Variants in PTPRT observed in about 807,000 individuals in gnomAD.
PTPRT encodes receptor-type tyrosine-protein phosphatase T.
Under a neutral mutation model 176.8 loss-of-function variants are expected in PTPRT, and 56 were observed. The ratio of observed to expected loss-of-function variants is 0.32; its 90% CI spans 0.26 to 0.40. The LOEUF (loss-of-function observed/expected upper bound fraction) is 0.40. Ranked by LOEUF, PTPRT falls within the 10% of genes least tolerant of loss-of-function variation. The probability of loss-of-function intolerance (pLI) is 1.00; values close to 1 mark genes in which losing one functional copy is unlikely to be tolerated. For missense variants in PTPRT, 1,540 were observed against 1,908.2 expected (o/e 0.81, Z 3.60); for synonymous variants, 783 against 739.0 (o/e 1.06, Z -0.96).
chr20:42,807,667 G>A (rs146666391), intron 2 of PTPRT, among the ~76,000 whole-genome samples: 18 of 152,168 alleles, frequency 1.2e-4, no homozygotes, highest in African/African-American at 4.3e-4. Flanking sequence ...CAACAGGTGT[G>A]GGCGAAAATT....
chr20:42,452,501 T>C (rs546567937), intron 8 of PTPRT, among the ~76,000 whole-genome samples: 1 of 152,012 alleles, frequency 6.6e-6, no homozygotes, highest in South Asian at 2.1e-4. Flanking sequence ...CTACCAAAAG[T>C]GTAGTGGGGG....
chr20:42,104,605 G>A lies in PTPRT; in HGVS notation c.3504C>T (p.Pro1168=). ...SLYYNISRLD[P]QTNSSQIKDE... is the part of the protein sequence containing the mutation. The stretch of plus-strand genomic sequence containing the variant: ...CTTTGATTTGGCTGGAGTTTGTCTG[G>A]GGGTCCAGCCTGCTGATATTGTAGT... Residue 1168 remains proline (P), a synonymous_variant, in exon 25 of 31, where the codon CCC becomes CCT. Coordinates refer to ENST00000373187, the MANE Select transcript of PTPRT (RefSeq NM_007050.6). 6.2e-7 allele frequency: 1 copy of A among 1,612,904 alleles called. No homozygotes were observed. Among genetic ancestry groups the A allele is most frequent in the East Asian group, 2.2e-5 (1 of 44,862 alleles).
intron 1 of PTPRT, among the ~76,000 whole-genome samples, chr20:42,933,656 C>G (rs950656744): frequency 3.1e-4 from 47 of 152,282 alleles, no homozygotes; most frequent in African/African-American, 1.1e-3. Context: ...ACGCTTATCT[C>G]AAAGCTTTTA....
At chr20:42,132,760 G>A (rs939570787) in intron 18 of PTPRT, among the ~76,000 whole-genome samples, 2 of 152,188 alleles carry the variant, frequency 1.3e-5, no homozygotes, top group Non-Finnish European at 2.9e-5. Flanking sequence ...CAGTTTGACA[G>A]TTTCTTACAA....
At chr20:42,108,409 A>AATT (rs1447663475) in intron 23 of PTPRT, among the ~76,000 whole-genome samples, 1 of 151,166 alleles carries the variant, frequency 6.6e-6, no homozygotes, top group Admixed American at 6.6e-5. Flanking sequence ...TGTTGATAAT[A>AATT]ATTAAAATAC....
intron 1 of PTPRT, among the ~76,000 whole-genome samples, chr20:42,914,055 G>A (rs918171708): frequency 1.5e-4 from 23 of 152,180 alleles, no homozygotes; most frequent in African/African-American, 4.6e-4. Flanking sequence ...AGATTTGTGT[G>A]TTTTGTTGTT....
intron 1 of PTPRT, among the ~76,000 whole-genome samples, chr20:43,123,381 T>A (rs1217066422): frequency 6.6e-6 from 1 of 152,216 alleles, no homozygotes; most frequent in Non-Finnish European, 1.5e-5. Context: ...AGTCATCTCC[T>A]CGAATCTACT....
intron 7 of PTPRT, among the ~76,000 whole-genome samples, chr20:42,613,945 T>C (rs964280631): frequency 2.2e-5 from 3 of 136,794 alleles, no homozygotes; most frequent in Non-Finnish European, 4.6e-5. Flanking sequence ...ATCCCTTGTG[T>C]ATGAGTTTGC....
chr20:42,615,719 G>A (rs1600476642), intron 7 of PTPRT, among the ~76,000 whole-genome samples: 2 of 122,780 alleles, frequency 1.6e-5, no homozygotes, highest in East Asian at 4.0e-4. Flanking sequence ...GTGTTTTTTG[G>A]CTGCATAAAT....
At chr20:42,694,334 G>T (rs888051732) in intron 6 of PTPRT, among the ~76,000 whole-genome samples, 1 of 152,042 alleles carries the variant, frequency 6.6e-6, no homozygotes, top group Non-Finnish European at 1.5e-5. Context: ...CACTATGCCC[G>T]GCCTAGTCCA....
chr20:42,518,526 T>G (rs538339899), intron 7 of PTPRT, among the ~76,000 whole-genome samples: 2 of 152,252 alleles, frequency 1.3e-5, no homozygotes, highest in East Asian at 3.9e-4. Flanking sequence ...GTTATCCATT[T>G]CACATAAATT....
At chr20:42,286,171 G>A (rs2057227619) in intron 12 of PTPRT, among the ~76,000 whole-genome samples, 1 of 151,884 alleles carries the variant, frequency 6.6e-6, no homozygotes, top group South Asian at 2.1e-4. Flanking sequence ...GCAATCTATA[G>A]ATTGAATGTA....
chr20:42,376,275 T>C (rs1247070966), intron 9 of PTPRT, among the ~76,000 whole-genome samples: 1 of 152,150 alleles, frequency 6.6e-6, no homozygotes, highest in Non-Finnish European at 1.5e-5. Context: ...GTCTCAGAAA[T>C]GTCATCGGGA....
chr20:42,827,398 A>G (rs764030953), intron 2 of PTPRT, among the ~76,000 whole-genome samples: 7 of 152,246 alleles, frequency 4.6e-5, no homozygotes, highest in Non-Finnish European at 1.0e-4. Context: ...CACTAAAAAC[A>G]TTGCTCAAAA....
At chr20:42,506,309 T>C (rs1229784544) in intron 7 of PTPRT, among the ~76,000 whole-genome samples, 2 of 152,212 alleles carry the variant, frequency 1.3e-5, no homozygotes, top group Non-Finnish European at 2.9e-5. Context: ...TACACTGGTG[T>C]GTGTGACAGA....
chr20:42,187,031 T>G (rs1402602972), intron 16 of PTPRT, among the ~76,000 whole-genome samples: 1 of 152,136 alleles, frequency 6.6e-6, no homozygotes, highest in Non-Finnish European at 1.5e-5. Flanking sequence ...AATTAGGATA[T>G]CAACTCATAT....
At chr20:42,642,098 T>A (rs1400742773) in intron 7 of PTPRT, among the ~76,000 whole-genome samples, 1 of 152,136 alleles carries the variant, frequency 6.6e-6, no homozygotes, top group Admixed American at 6.5e-5. Flanking sequence ...TGAATATGTC[T>A]GGGAATTCAG....
intron 8 of PTPRT, among the ~76,000 whole-genome samples, chr20:42,457,625 A>G (rs1484826826): frequency 6.6e-6 from 1 of 152,164 alleles, no homozygotes; most frequent in Non-Finnish European, 1.5e-5. Flanking sequence ...AGGGAAAGGA[A>G]AGAATTTAGA....
intron 1 of PTPRT, among the ~76,000 whole-genome samples, chr20:43,093,137 A>G (rs572912578): frequency 6.6e-6 from 1 of 152,366 alleles, no homozygotes; most frequent in African/African-American, 2.4e-5. Context: ...TTTACACAAA[A>G]ACAAACATTA....
Sources: allele counts gnomAD v4.1 joint callset (sites outside exome capture counted in the v4.1 genomes callset), GRCh38; gene constraint gnomAD v4.1.1; transcripts MANE v1.5; gene names NCBI Gene and HGNC (gene_info 2026-07-23, HGNC 2026-07-21).